The following RXFP1 variants were observed in gnomAD, a reference collection of about 807,000 sequenced individuals.
RXFP1 encodes relaxin family peptide receptor 1, also known as relaxin receptor 1.
A neutral mutation model predicts 89.8 loss-of-function variants in RXFP1; 73 were observed. The ratio of observed to expected loss-of-function variants is 0.81; its 90% CI spans 0.67 to 0.99. The LOEUF (loss-of-function observed/expected upper bound fraction) is 0.99. RXFP1 is among the 50% of genes least tolerant of loss of function. The pLI is 0.00. For missense variants in RXFP1, 793 were observed against 895.5 expected, an observed-to-expected ratio of 0.89 and a Z score of 1.46; for synonymous variants, 277 against 305.5, an observed-to-expected ratio of 0.91 and a Z score of 0.97.
chr4:158,631,189 A>T (rs1300740160), intron 11 of RXFP1, among the ~76,000 whole-genome samples: 1 of 152,176 alleles, frequency 6.6e-6, no homozygotes, highest in African/African-American at 2.4e-5. Flanking sequence ...CCACACTCCC[A>T]CCAGTAATTG....
intron 3 of RXFP1, among the ~76,000 whole-genome samples, chr4:158,598,346 G>A (rs1403164663): frequency 6.6e-6 from 1 of 152,104 alleles, no homozygotes; most frequent in Non-Finnish European, 1.5e-5. Flanking sequence ...GGCAACAGAT[G>A]AGAGAAGCTG....
intron 15 of RXFP1, 135 bp downstream of exon 15, chr4:158,645,273 C>A: frequency 1.6e-6 from 1 of 638,208 alleles, no homozygotes; most frequent in Non-Finnish European, 2.7e-6. Flanking sequence ...GCTGTTTTCA[C>A]ATTTTCTACA....
intron 1 of RXFP1, among the ~76,000 whole-genome samples, chr4:158,561,626 CTTTT>C (rs70962615): frequency 1.8e-5 from 2 of 112,584 alleles, no homozygotes. Context: ...TTCTTTTTTT[CTTTT>C]TTTTTTTTTT....
intron 10 of RXFP1, among the ~76,000 whole-genome samples, chr4:158,627,956 C>T (rs1442082218): frequency 6.6e-6 from 1 of 152,032 alleles, no homozygotes; most frequent in African/African-American, 2.4e-5. Context: ...AGGTGTTGTG[C>T]TTTTAAGGTC....
intron 2 of RXFP1, among the ~76,000 whole-genome samples, chr4:158,586,716 G>C (rs2150046620): frequency 6.6e-6 from 1 of 152,264 alleles, no homozygotes; most frequent in East Asian, 1.9e-4. Context: ...GTGGGAGGAA[G>C]TAATGGGTAG....
At chr4:158,539,608 A>G (rs1348606942) in intron 1 of RXFP1, among the ~76,000 whole-genome samples, 1 of 152,122 alleles carries the variant, frequency 6.6e-6, no homozygotes, top group Non-Finnish European at 1.5e-5. Context: ...CATATGTAAT[A>G]CCTGCTTGAT....
rs548831643 is a variant in RXFP1, at chr4:158,628,720, C to T, written c.899+11C>T. On this transcript the variant is annotated intron_variant, in intron 11 of 17. Coordinates refer to ENST00000307765, the MANE Select transcript of RXFP1 (RefSeq NM_021634.4). ...GAAACTGGATGAATTGTAAGTATGA[C>T]TGAACATATACTGATAAGAATTTTC... 30 of 1,452,224 alleles carry T rather than the reference C, an allele frequency of 2.1e-5. No individual in the cohort carries two copies. The highest frequency in any genetic ancestry group is 1.0e-4 in the Admixed American group (6 of 57,768). The allele number at this position is 1,452,224 out of a possible 1,614,324, so 90.0% of individuals were successfully genotyped here. A position where few individuals can be genotyped will look rare whatever the true frequency, so the allele number is the denominator to read the frequency against.
At chr4:158,540,128 G>T (rs533425572) in intron 1 of RXFP1, among the ~76,000 whole-genome samples, 1 of 152,104 alleles carries the variant, frequency 6.6e-6, no homozygotes, top group Non-Finnish European at 1.5e-5. Flanking sequence ...TGCATCTCAC[G>T]CAAGAAAGAA....
intron 9 of RXFP1, among the ~76,000 whole-genome samples, chr4:158,621,552 T>G (rs1288485435): frequency 6.6e-6 from 1 of 152,154 alleles, no homozygotes; most frequent in African/African-American, 2.4e-5. Context: ...TTTGTAAATA[T>G]CATAAGAAAT....
chr4:158,524,448 A>G (rs1741970224), intron 1 of RXFP1, among the ~76,000 whole-genome samples: 1 of 152,206 alleles, frequency 6.6e-6, no homozygotes, highest in Admixed American at 6.5e-5. Context: ...AAGGGATAGG[A>G]TGGAGAAGAC....
intron 1 of RXFP1, among the ~76,000 whole-genome samples, chr4:158,555,836 A>G (rs902620191): frequency 2.0e-5 from 3 of 152,226 alleles, no homozygotes; most frequent in African/African-American, 7.2e-5. Flanking sequence ...GAGAAAATAC[A>G]GTCTTTTCAA....
At chr4:158,579,010 G>A (rs1028672665) in intron 2 of RXFP1, among the ~76,000 whole-genome samples, 5 of 146,766 alleles carry the variant, frequency 3.4e-5, no homozygotes, top group African/African-American at 1.3e-4. Flanking sequence ...AGATCAGGGT[G>A]GGCCCTAGAT....
intron 17 of RXFP1, among the ~76,000 whole-genome samples, chr4:158,651,277 T>TA (rs1245018793): frequency 3.3e-5 from 5 of 152,100 alleles, no homozygotes; most frequent in African/African-American, 4.8e-5. Context: ...GGTCAAAAGC[T>TA]AAAAAAATGC....
At chr4:158,547,261 T>C (rs974018940) in intron 1 of RXFP1, among the ~76,000 whole-genome samples, 1 of 152,192 alleles carries the variant, frequency 6.6e-6, no homozygotes, top group Admixed American at 6.5e-5. Context: ...TATTCTCTGA[T>C]GGTAGTTTGT....
At chr4:158,607,502 T>A (rs1762739683) in intron 5 of RXFP1, among the ~76,000 whole-genome samples, 2 of 152,242 alleles carry the variant, frequency 1.3e-5, no homozygotes. Flanking sequence ...TGGCTAGCAC[T>A]GTGTTGAGCA....
At chr4:158,584,535 CATTT>C (rs1269362865) in intron 2 of RXFP1, among the ~76,000 whole-genome samples, 1 of 152,134 alleles carries the variant, frequency 6.6e-6, no homozygotes, top group African/African-American at 2.4e-5. Context: ...TAAACTATCA[CATTT>C]AGCCTTTCAT....
Position 158,527,564 on chromosome 4 carries a change from A to AAAAAAAAATATAT in RXFP1, c.49+5540_49+5541insAAAAAAATATATA, listed in dbSNP as rs5741905. On this transcript the variant is annotated intron_variant, in intron 1 of 17. Transcript: ENST00000307765. ...ATCTCCCCCGCTCCAAAAAAAAAAAAATATATATATATATGTATATATATA... is the reference window on the plus strand; with the variant it reads ...ATCTCCCCCGCTCCAAAAAAAAAAAAAAAAAAAATATATATATATATATATATGTATATATATA... Among the ~76,000 whole-genome samples the AAAAAAAAATATAT allele has an allele frequency of 1.2e-4, 12 of 98,328 alleles. No individual in the cohort carries two copies. In the East Asian group the frequency reaches 2.2e-3, roughly 18 times the overall value. 64.5% of individuals were successfully genotyped at this position (98,328 alleles called of 152,430 possible). A position where few individuals can be genotyped will look rare whatever the true frequency, so the allele number is the denominator to read the frequency against.
rs202128970 is a variant in RXFP1, at chr4:158,651,116, CCT to C, written c.1976-640_1976-639del. 3.4e-3 allele frequency among the ~76,000 whole-genome samples: 519 copies of C among 152,126 alleles called. 4 individuals carry two copies. The highest frequency in any genetic ancestry group is 0.019 in the East Asian group (99 of 5,164). ...TCCAGCCTGAGCGACAGCATGAGAC[CCT>C]GTCTCAAAAACAAAAACATAAAAAC... On this transcript the variant is annotated intron_variant, in intron 17 of 17. Transcript: ENST00000307765.
chr4:158,568,019 C>G (rs894548407), intron 1 of RXFP1, among the ~76,000 whole-genome samples: 3 of 152,198 alleles, frequency 2.0e-5, no homozygotes, highest in African/African-American at 4.8e-5. Flanking sequence ...AGCTTCACTC[C>G]TGAAGCCATC....
Sources: allele counts gnomAD v4.1 joint callset (sites outside exome capture counted in the v4.1 genomes callset), GRCh38; gene constraint gnomAD v4.1.1; transcripts MANE v1.5; gene names NCBI Gene and HGNC (gene_info 2026-07-23, HGNC 2026-07-21).